Variants in NVL observed in about 807,000 individuals in gnomAD.
NVL encodes the protein nuclear VCP like.
In NVL, 84 loss-of-function variants were observed where a neutral mutation model predicts 110.2. The observed-to-expected ratio is 0.76, with a 90% CI of 0.64 to 0.91. NVL has a LOEUF of 0.91. Ranked by LOEUF, NVL falls within the 40% of genes least tolerant of loss-of-function variation. The pLI is 0.00. For missense variants in NVL, 882 were observed against 1,035.9 expected, an observed-to-expected ratio of 0.85 and a Z score of 2.04; for synonymous variants, 354 against 361.1, an observed-to-expected ratio of 0.98 and a Z score of 0.22.
chr1:224,264,742 T>C (rs1220223591), intron 18 of NVL, among the ~76,000 whole-genome samples: 1 of 151,864 alleles, frequency 6.6e-6, no homozygotes, highest in African/African-American at 2.4e-5. Context: ...GAACGTTTAT[T>C]ATTATTATTA....
intron 18 of NVL, among the ~76,000 whole-genome samples, chr1:224,260,763 G>A (rs1056392052): frequency 6.8e-6 from 1 of 146,458 alleles, no homozygotes; most frequent in African/African-American, 2.6e-5. Context: ...GTGCAGTGGT[G>A]CAATCATAGC....
At chr1:224,289,015 A>G (rs1667125116) in intron 13 of NVL, among the ~76,000 whole-genome samples, 1 of 152,206 alleles carries the variant, frequency 6.6e-6, no homozygotes, top group Non-Finnish European at 1.5e-5. Flanking sequence ...AGGAGATATA[A>G]TTAAATGCCA....
chr1:224,281,237 A>G (rs2102593265), intron 15 of NVL, 52 bp from the exon 16 acceptor site: 1 of 1,370,596 alleles, frequency 7.3e-7, no homozygotes, highest in Non-Finnish European at 1.0e-6. Context: ...CAGTAATAAT[A>G]ACAATAATAA....
chr1:224,260,164 G>T (rs1223563748), intron 18 of NVL, among the ~76,000 whole-genome samples: 2 of 152,160 alleles, frequency 1.3e-5, no homozygotes, highest in Non-Finnish European at 2.9e-5. Context: ...ATCCAGACTA[G>T]ATGTGTAAGG....
At chr1:224,235,361 T>C (rs1660346552) in intron 20 of NVL, among the ~76,000 whole-genome samples, 1 of 151,906 alleles carries the variant, frequency 6.6e-6, no homozygotes, top group Non-Finnish European at 1.5e-5. Flanking sequence ...AGAGACAAGG[T>C]TTCACCATGT....
rs770232348 is a variant in NVL, at chr1:224,253,731, C to CAA, written c.2183-3415_2183-3414dup. ...CTTGGGACAGAGCAAGGCTCGGTCT[C>CAA]AAAAAAAAAAAAAAAAAGAAAAGAA... On this transcript the variant is annotated intron_variant, in intron 18 of 22. Coordinates refer to ENST00000281701, the MANE Select transcript of NVL (RefSeq NM_002533.4). Among the ~76,000 whole-genome samples the CAA allele has an allele frequency of 7.5e-3, 411 of 54,936 alleles. 7 individuals carry two copies. The highest frequency in any genetic ancestry group is 0.033 in the South Asian group (56 of 1,684). The allele number at this position is 54,936 out of a possible 152,430, so 36.0% of individuals were successfully genotyped here. A position where few individuals can be genotyped will look rare whatever the true frequency, so the allele number is the denominator to read the frequency against.
intron 18 of NVL, among the ~76,000 whole-genome samples, chr1:224,266,840 T>C (rs1260861599): frequency 6.6e-6 from 1 of 152,202 alleles, no homozygotes; most frequent in Admixed American, 6.5e-5. Context: ...TTAACACCAC[T>C]GTGGCAGATA....
intron 1 of NVL, among the ~76,000 whole-genome samples, chr1:224,328,816 G>A (rs1224604888): frequency 6.6e-6 from 1 of 152,052 alleles, no homozygotes; most frequent in Non-Finnish European, 1.5e-5. Context: ...AATTCCACTT[G>A]GCCATTTTAA....
chr1:224,272,748 C>T (rs565676088), intron 17 of NVL, among the ~76,000 whole-genome samples: 1 of 150,388 alleles, frequency 6.6e-6, no homozygotes, highest in Non-Finnish European at 1.5e-5. Context: ...AAACAAAACA[C>T]AACAGGCCGT....
At chr1:224,314,879 C>T (rs1572049538) in intron 4 of NVL, among the ~76,000 whole-genome samples, 1 of 151,908 alleles carries the variant, frequency 6.6e-6, no homozygotes, top group African/African-American at 2.4e-5. Flanking sequence ...GGCATGGTGG[C>T]ATGTGCCTGT....
At chr1:224,234,894 A>G (rs1660294330) in intron 20 of NVL, among the ~76,000 whole-genome samples, 1 of 152,204 alleles carries the variant, frequency 6.6e-6, no homozygotes, top group Non-Finnish European at 1.5e-5. Context: ...GATTTAGCCC[A>G]GGGCAAGTTC....
chr1:224,317,484 C>T (rs1258757516), intron 4 of NVL, among the ~76,000 whole-genome samples: 3 of 152,110 alleles, frequency 2.0e-5, no homozygotes, highest in African/African-American at 7.2e-5. Context: ...GGAAATGACA[C>T]TCTAACTCAA....
chr1:224,256,935 C>G (rs1317552707), intron 18 of NVL: 6 of 450,176 alleles, frequency 1.3e-5, no homozygotes, highest in Admixed American at 2.9e-5. Context: ...CCTTCTACAT[C>G]CACAGCTATC....
rs550406197 is a variant in NVL, at chr1:224,274,349, T to C, written c.2082+990A>G. Among the ~76,000 whole-genome samples the C allele has an allele frequency of 5.3e-5, 8 of 152,036 alleles. No individual in the cohort carries two copies. In the South Asian group the frequency reaches 1.2e-3, roughly 24 times the overall value. On this transcript the variant is annotated intron_variant, in intron 17 of 22. Coordinates refer to ENST00000281701, the MANE Select transcript of NVL (RefSeq NM_002533.4). Reference sequence around the variant, plus strand: ...TTCAGTCATCTTACAAGAAATGTACTTGTGGCCAGGCATGGTGGCTCACCC... The same window carrying C: ...TTCAGTCATCTTACAAGAAATGTACCTGTGGCCAGGCATGGTGGCTCACCC...
chr1:224,294,589 T>C (rs188190204), intron 11 of NVL, among the ~76,000 whole-genome samples, 178 bp from the exon 12 acceptor site: 3 of 152,278 alleles, frequency 2.0e-5, no homozygotes, highest in East Asian at 1.9e-4. Flanking sequence ...ATAAATAAAA[T>C]ACAAACTCTG....
At position 224,295,197 on chromosome 1, in the gene NVL, C is replaced by T. The variant is rs1332155590; in HGVS notation, c.1181-786G>A. Reference sequence around the variant, plus strand: ...TCATGAGGAGTTTATACAGTGTGTTCTTTTTTTTTTTTTGAGACGGAGTCT... The same window carrying T: ...TCATGAGGAGTTTATACAGTGTGTTTTTTTTTTTTTTTTGAGACGGAGTCT... On this transcript the variant is annotated intron_variant, in intron 11 of 22. Coordinates refer to ENST00000281701, the MANE Select transcript of NVL (RefSeq NM_002533.4). 3.5e-5 allele frequency among the ~76,000 whole-genome samples: 5 copies of T among 144,524 alleles called. No individual in the cohort carries two copies. The East Asian group carries it at 6.0e-4, about 17-fold the overall frequency. 94.8% of individuals were successfully genotyped at this position (144,524 alleles called of 152,430 possible).
chr1:224,236,501 C>T lies in NVL; in HGVS notation c.2366+5G>A. The T allele has an allele frequency of 1.2e-6, 2 of 1,610,708 alleles. No individual in the cohort carries two copies. The highest frequency in any genetic ancestry group is 1.7e-6 in the Non-Finnish European group (2 of 1,176,978). On this transcript the variant is annotated splice_donor_5th_base_variant and intron_variant, in intron 20 of 22. Transcript: ENST00000281701. ...AGTGAATTGACTTAAGATTTAAACA[C>T]TTACGTATAGCAATCACAGCGAAGG... is the stretch of plus-strand genomic sequence containing the variant.
intron 1 of NVL, among the ~76,000 whole-genome samples, chr1:224,328,925 G>C (rs1464100074): frequency 6.6e-6 from 1 of 152,074 alleles, no homozygotes; most frequent in Non-Finnish European, 1.5e-5. Context: ...AATATACAGA[G>C]GCCAGTGCAG....
intron 19 of NVL, among the ~76,000 whole-genome samples, chr1:224,242,949 C>A (rs778645241): frequency 3.3e-5 from 5 of 151,356 alleles, no homozygotes; most frequent in Non-Finnish European, 7.4e-5. Context: ...CTCAGCCTCC[C>A]GAGTAGCTGG....
Sources: allele counts gnomAD v4.1 joint callset (sites outside exome capture counted in the v4.1 genomes callset), GRCh38; gene constraint gnomAD v4.1.1; transcripts MANE v1.5; gene names NCBI Gene and HGNC (gene_info 2026-07-23, HGNC 2026-07-21).